The following NUP153 variants were observed in gnomAD, a reference collection of about 807,000 sequenced individuals.
NUP153 encodes the protein nucleoporin 153.
NUP153 carries 27 observed loss-of-function variants against 134.6 expected under a neutral mutation model. The ratio of observed to expected loss-of-function variants is 0.20; its 90% CI spans 0.15 to 0.28. The LOEUF (loss-of-function observed/expected upper bound fraction) is 0.28. NUP153 is among the 10% of genes least tolerant of loss of function. NUP153 has a pLI of 1.00. For missense variants in NUP153, 1,821 were observed against 1,731.3 expected, an observed-to-expected ratio of 1.05 and a Z score of -0.92; for synonymous variants, 640 against 623.5, an observed-to-expected ratio of 1.03 and a Z score of -0.40.
chr6:17,632,999 G>A (rs928668332), intron 16 of NUP153, among the ~76,000 whole-genome samples, 155 bp from the exon 17 acceptor site: 2 of 151,990 alleles, frequency 1.3e-5, no homozygotes, highest in Non-Finnish European at 2.9e-5. Flanking sequence ...ATAGACAACT[G>A]TTCATATTTA....
chr6:17,678,769 C>G (rs910579123), intron 2 of NUP153, among the ~76,000 whole-genome samples: 2 of 151,068 alleles, frequency 1.3e-5, no homozygotes, highest in African/African-American at 4.9e-5. Flanking sequence ...CATACTGAGA[C>G]TTCATCTCTA....
At chr6:17,692,351 G>T (rs1207857219) in intron 1 of NUP153, among the ~76,000 whole-genome samples, 1 of 152,144 alleles carries the variant, frequency 6.6e-6, no homozygotes, top group Non-Finnish European at 1.5e-5. Flanking sequence ...GGAGTAAAAA[G>T]GAATGCAGGC....
chr6:17,615,796 T>C lies in NUP153; in HGVS notation c.*301A>G. ...GACAAAGAGGTTCTATACAAAGCCA[T>C]TCACCGTGCAGGCTCCATTCCTGGG... On this transcript the variant is annotated 3_prime_UTR_variant, in exon 22 of 22. Coordinates refer to ENST00000262077, the MANE Select transcript of NUP153 (RefSeq NM_005124.4). This position sits in a 1 kb window ranked among gnomAD's most constrained non-coding sequence, Gnocchi z 5.7. 1 of 298,268 alleles carries C rather than the reference T, an allele frequency of 3.4e-6. No individual in the cohort carries two copies. Among genetic ancestry groups the C allele is most frequent in the East Asian group, 6.7e-5 (1 of 14,992 alleles). The allele number at this position is 298,268 out of a possible 1,614,324, so 18.5% of individuals were successfully genotyped here.
intron 5 of NUP153, among the ~76,000 whole-genome samples, chr6:17,670,268 A>G (rs9396787): frequency 6.6e-6 from 1 of 152,106 alleles, no homozygotes; most frequent in African/African-American, 2.4e-5. Context: ...GGGAGAATAA[A>G]CAGGAAAGCA....
chr6:17,651,878 G>A (rs1271204018), intron 11 of NUP153: 3 of 678,906 alleles, frequency 4.4e-6, no homozygotes, highest in Non-Finnish European at 8.2e-6. Context: ...ATGATCGCTT[G>A]AGCGCAGGAG....
At chr6:17,705,871 C>T (rs1166854543) in intron 1 of NUP153, among the ~76,000 whole-genome samples, 2 of 151,996 alleles carry the variant, frequency 1.3e-5, no homozygotes, top group Admixed American at 6.6e-5. Context: ...AGAAGGGACA[C>T]CAGAAAACAG....
intron 2 of NUP153, among the ~76,000 whole-genome samples, chr6:17,678,958 A>T (rs963179633): frequency 6.6e-6 from 1 of 151,202 alleles, no homozygotes; most frequent in Non-Finnish European, 1.5e-5. Flanking sequence ...AAAAAAAAAA[A>T]AAAAATAAGT....
intron 11 of NUP153, among the ~76,000 whole-genome samples, chr6:17,659,465 C>CTT (rs1397417807): frequency 6.6e-6 from 1 of 151,932 alleles, no homozygotes; most frequent in Non-Finnish European, 1.5e-5. Flanking sequence ...CAGCCCATTT[C>CTT]TTTTGTTTTT....
At position 17,624,169 on chromosome 6, in the gene NUP153, A is replaced by G. The variant is rs149798900; in HGVS notation, c.4174+392T>C. On this transcript the variant is annotated intron_variant, in intron 20 of 21. Coordinates refer to ENST00000262077, the MANE Select transcript of NUP153 (RefSeq NM_005124.4). Reference sequence around the variant, plus strand: ...AGTAAATAGAAAGTGTCATGAGACAACTCAGCGGGACTGCCCCAGGAGAGA... The same window carrying G: ...AGTAAATAGAAAGTGTCATGAGACAGCTCAGCGGGACTGCCCCAGGAGAGA... 2.5e-4 allele frequency among the ~76,000 whole-genome samples: 38 copies of G among 152,312 alleles called. 1 individual carries two copies. In the East Asian group the frequency reaches 6.9e-3, roughly 28 times the overall value.
At chr6:17,651,179 C>T (rs1766475401) in intron 11 of NUP153, among the ~76,000 whole-genome samples, 1 of 151,988 alleles carries the variant, frequency 6.6e-6, no homozygotes, top group African/African-American at 2.4e-5. Flanking sequence ...AGTGGCATGC[C>T]TGTAGTCCCA....
chr6:17,618,741 AT>A (rs1764477264), intron 20 of NUP153, among the ~76,000 whole-genome samples: 1 of 151,820 alleles, frequency 6.6e-6, no homozygotes, highest in South Asian at 2.1e-4. Flanking sequence ...AATTTTTTGT[AT>A]TTCTTAGTAG....
chr6:17,647,667 A>G, intron 13 of NUP153, 140 bp downstream of exon 13: 1 of 610,714 alleles, frequency 1.6e-6, no homozygotes, highest in East Asian at 2.7e-5. Flanking sequence ...TGATTGTTCA[A>G]AAGTTTTTTA....
Position 17,686,062 on chromosome 6 carries a change from C to G in NUP153, c.334+2334G>C, listed in dbSNP as rs371255003. Among the ~76,000 whole-genome samples, 34 of 151,956 alleles carry G rather than the reference C, an allele frequency of 2.2e-4. No individual in the cohort carries two copies. The South Asian group carries it at 5.2e-3, about 23-fold the overall frequency. On this transcript the variant is annotated intron_variant, in intron 2 of 21. Coordinates refer to ENST00000262077, the MANE Select transcript of NUP153 (RefSeq NM_005124.4). The stretch of plus-strand genomic sequence containing the variant: ...ACTTGGGAGGCTGAGGTGGGAGGAT[C>G]GCTTGAGCCTGGAAGGTTGAGGTTG...
chr6:17,675,319 T>C lies in NUP153; in HGVS notation c.633A>G (p.Glu211=). Residue 211 remains glutamate, a synonymous_variant, in exon 4 of 22, where the codon GAA becomes GAG. Coordinates refer to ENST00000262077, the MANE Select transcript of NUP153 (RefSeq NM_005124.4). This position sits in a 1 kb window ranked among gnomAD's most constrained non-coding sequence, Gnocchi z 4.4. ...NTSLPPLWSP[E]AERSHSLSQH... ...GTGAGAGTGAGTGAGAACGTTCAGC[T>C]TCTGGGGACCACAGAGGTGGCAATG... is the stretch of plus-strand genomic sequence containing the variant. 6.2e-7 allele frequency: 1 copy of C among 1,614,116 alleles called. No homozygotes were observed. Among genetic ancestry groups the C allele is most frequent in the Non-Finnish European group, 8.5e-7 (1 of 1,179,986 alleles).
intron 18 of NUP153, among the ~76,000 whole-genome samples, chr6:17,627,400 AATTT>A (rs1210399713): frequency 3.3e-5 from 5 of 152,142 alleles, no homozygotes; most frequent in African/African-American, 7.2e-5. Context: ...GAGTGTTTCC[AATTT>A]ATTATTCAAA....
intron 21 of NUP153, 57 bp from the exon 22 acceptor site, chr6:17,616,238 T>C (rs1764310111): frequency 1.1e-6 from 1 of 909,234 alleles, no homozygotes; most frequent in Admixed American, 2.3e-5. Flanking sequence ...AATTTCCAAA[T>C]GCTAACATTT....
chr6:17,624,957 T>C (rs2113767013), intron 19 of NUP153, 124 bp from the exon 20 acceptor site: 1 of 865,946 alleles, frequency 1.2e-6, no homozygotes, highest in South Asian at 2.1e-5. Context: ...GCTAACCAAA[T>C]TCCATCAAGA....
At chr6:17,643,058 T>G in intron 14 of NUP153, among the ~76,000 whole-genome samples, 1 of 152,126 alleles carries the variant, frequency 6.6e-6, no homozygotes, top group East Asian at 1.9e-4. Context: ...GGTTTCCTGG[T>G]GAGGGTGATA....
intron 20 of NUP153, among the ~76,000 whole-genome samples, chr6:17,619,149 T>C (rs1468314567): frequency 6.6e-6 from 1 of 152,110 alleles, no homozygotes; most frequent in Non-Finnish European, 1.5e-5. Context: ...AGAGCAAAGA[T>C]CAAGACTTCA....
Sources: gnomAD v4.1 joint callset for allele counts (sites outside exome capture counted in the v4.1 genomes callset) on GRCh38, gnomAD v4.1.1 for gene constraint, Gnocchi (gnomAD v3.1) non-coding constraint, MANE v1.5 for transcripts, NCBI Gene and HGNC (gene_info 2026-07-23, HGNC 2026-07-21) for gene names.